RHBDF2: variants seen among roughly 807,000 people sequenced by gnomAD.
RHBDF2 encodes rhomboid 5 homolog 2.
Under a neutral mutation model 95.2 loss-of-function variants are expected in RHBDF2, and 38 were observed. The ratio of observed to expected loss-of-function variants is 0.40; its 90% confidence interval spans 0.31 to 0.52. The LOEUF (loss-of-function observed/expected upper bound fraction) is 0.52. Ranked by LOEUF, RHBDF2 falls within the 20% of genes least tolerant of loss-of-function variation. RHBDF2 has a pLI of 0.56. For missense variants in RHBDF2, 863 were observed against 1,137.7 expected, an observed-to-expected ratio of 0.76 and a Z score of 3.47; for synonymous variants, 442 against 462.0, an observed-to-expected ratio of 0.96 and a Z score of 0.55.
chr17:76,498,791 T>A (rs113701600), intron 1 of RHBDF2, among the ~76,000 whole-genome samples: 7 of 66,060 alleles, frequency 1.1e-4, no homozygotes, highest in South Asian at 9.4e-4. Context: ...AGAAAGAGAG[T>A]GTGTGTGTGT....
At position 76,478,969 on chromosome 17, in the gene RHBDF2, G is replaced by A. The variant is rs772639105; in HGVS notation, c.509C>T (p.Pro170Leu). ...PLARGRAFRH[P>L]EEMDRPHAPH... ...GGCGTGGGGCCTGTCCATCTCCTCC[G>A]GGTGGCGGAAGGCCCGGCCCCGGGC... The change falls in exon 6 of 19, where the codon CCG becomes CTG. Residue 170 changes from proline to leucine, a missense_variant. By Grantham distance (98) the Pro-to-Leu change is moderately conservative. Around this residue, in one of 2 missense-constraint regions of RHBDF2, gnomAD observed 611 missense variants for 725.5 expected, o/e 0.84. Transcript: ENST00000675367. 8.2e-6 allele frequency: 13 copies of A among 1,594,588 alleles called. No homozygotes were observed. The East Asian group carries it at 1.8e-4, about 22-fold the overall frequency.
At chr17:76,472,402 T>C (rs972316707) in intron 18 of RHBDF2, 2 of 562,126 alleles carry the variant, frequency 3.6e-6, no homozygotes, top group Non-Finnish European at 6.4e-6. Context: ...CGGAGGCCAT[T>C]TCCTACCGCT....
intron 1 of RHBDF2, among the ~76,000 whole-genome samples, chr17:76,494,589 T>TAAAA (rs2074388879): frequency 6.6e-6 from 1 of 152,138 alleles, no homozygotes; most frequent in Admixed American, 6.5e-5. Context: ...CCATCTCTAC[T>TAAAA]AAAAATACAA....
At chr17:76,481,220 G>A (rs2073952942) in intron 3 of RHBDF2, among the ~76,000 whole-genome samples, 155 bp downstream of exon 3, 1 of 152,212 alleles carries the variant, frequency 6.6e-6, no homozygotes, top group South Asian at 2.1e-4. Context: ...TTCGGGCCCA[G>A]GAAGGAGGGG....
chr17:76,484,728 C>G lies in RHBDF2; in HGVS notation c.-22+2984G>C, dbSNP rs2074072298. Reference sequence around the variant, plus strand: ...TCTCACTGGGACTTCCAGGACCTCTCTTCGTCTCTTCCTGTGCCCTTGCTT... The same window carrying G: ...TCTCACTGGGACTTCCAGGACCTCTGTTCGTCTCTTCCTGTGCCCTTGCTT... On this transcript the variant is annotated intron_variant, in intron 2 of 18. Coordinates refer to ENST00000675367, the MANE Select transcript of RHBDF2 (RefSeq NM_001005498.4). Among the ~76,000 whole-genome samples, 3 of 152,322 alleles carry G rather than the reference C, an allele frequency of 2.0e-5. No individual in the cohort carries two copies. In the South Asian group the frequency reaches 6.2e-4, roughly 32 times the overall value.
At chr17:76,475,452 C>T (rs2073740558) in intron 9 of RHBDF2, among the ~76,000 whole-genome samples, 1 of 152,198 alleles carries the variant, frequency 6.6e-6, no homozygotes. Flanking sequence ...GTACTTTGCC[C>T]TTCCAGCCCC....
chr17:76,472,148 G>A (rs1459810652), intron 18 of RHBDF2, 96 bp from the exon 19 acceptor site: 1 of 1,254,470 alleles, frequency 8.0e-7, no homozygotes, highest in Non-Finnish European at 1.1e-6. Flanking sequence ...GCTCCTCCCT[G>A]GCAGGCATGG....
intron 9 of RHBDF2, 144 bp downstream of exon 9, chr17:76,476,686 C>T (rs1009425755): frequency 6.4e-6 from 8 of 1,257,278 alleles, no homozygotes; most frequent in Middle Eastern, 2.8e-4. Context: ...GGACAGGGTG[C>T]GCCTTCGAGC....
At chr17:76,476,621 G>T (rs1002131583) in intron 9 of RHBDF2, 37 of 643,098 alleles carry the variant, frequency 5.8e-5, no homozygotes, top group Non-Finnish European at 9.5e-5. Context: ...AGCATGGGGT[G>T]GAAGAGAGGC....
rs958584023 is a variant in RHBDF2 at position 76,472,691 on chromosome 17, C to T, written c.2059G>A (p.Ala687Thr). The T allele has an allele frequency of 6.2e-6, 10 of 1,613,922 alleles. No individual in the cohort carries two copies. The highest frequency in any genetic ancestry group is 1.1e-5 in the South Asian group (1 of 91,094). The change falls in exon 18 of 19, where the codon GCA becomes ACA. Residue 687 changes from alanine (A) to threonine (T), a missense_variant. Coordinates refer to ENST00000675367, the MANE Select transcript of RHBDF2 (RefSeq NM_001005498.4). Reference protein sequence around the residue: ...LASAIFLPYRAEVGPAGSQFG... With the variant: ...LASAIFLPYRTEVGPAGSQFG... ...CCCATCCTCCACATCCTTACCTCTGCCCGGTATGGGAGAAAGATGGCACTG... is the reference window on the plus strand; with the variant it reads ...CCCATCCTCCACATCCTTACCTCTGTCCGGTATGGGAGAAAGATGGCACTG...
chr17:76,479,882 G>C (rs148949006), intron 3 of RHBDF2, 28 bp from the exon 4 acceptor site: 1 of 1,610,326 alleles, frequency 6.2e-7, no homozygotes, highest in Non-Finnish European at 8.5e-7. Context: ...GAGGGCAGGC[G>C]GTGGTGTGTG....
At chr17:76,486,228 G>C (rs1381072891) in intron 2 of RHBDF2, among the ~76,000 whole-genome samples, 1 of 152,150 alleles carries the variant, frequency 6.6e-6, no homozygotes, top group African/African-American at 2.4e-5. Context: ...TCCTGCCTCA[G>C]TCTCCCGAGT....
rs773845658 is a variant in RHBDF2 at position 76,474,373 on chromosome 17, C to T, written c.1464G>A (p.Ser488=). Reference sequence around the variant, plus strand: ...GGTAGGAGGGAGGGCCTGCCCCCACCGAGCAGTCCTTCCGCTGGGTCTGGA... The same window carrying T: ...GGTAGGAGGGAGGGCCTGCCCCCACTGAGCAGTCCTTCCGCTGGGTCTGGA... The part of the protein sequence containing the change: ...GCIQTQRKDC[S]ETLATFVKWQ... Residue 488 remains serine, a splice_region_variant and synonymous_variant, in exon 12 of 19, where the codon TCG becomes TCA. Coordinates refer to ENST00000675367, the MANE Select transcript of RHBDF2 (RefSeq NM_001005498.4). 1.6e-5 allele frequency: 25 copies of T among 1,612,048 alleles called. No individual in the cohort carries two copies. The highest frequency in any genetic ancestry group is 4.5e-5 in the East Asian group (2 of 44,864).
rs899957016 is a variant in RHBDF2, at chr17:76,475,268, T to C, written c.1116-127A>G. 4 of 641,960 alleles carry C rather than the reference T, an allele frequency of 6.2e-6. No homozygotes were observed. The South Asian group carries it at 7.5e-5, about 12-fold the overall frequency. 39.8% of individuals were successfully genotyped at this position (641,960 alleles called of 1,614,324 possible). On this transcript the variant is annotated intron_variant, in intron 9 of 18. Transcript: ENST00000675367. ...CCCTGTTCTGCCCCGTCAACTCATC[T>C]CAAACCAGAGGAACTTTTAAGACGA...
rs1167044584 is a variant in RHBDF2 at position 76,474,374 on chromosome 17, G to A, written c.1463C>T (p.Ser488Leu). The change falls in exon 12 of 19, where the codon TCG (serine) becomes TTG (leucine). Residue 488 changes from serine to leucine, a missense_variant and splice_region_variant. By Grantham distance (145) the Ser-to-Leu change is moderately radical. Coordinates refer to ENST00000675367, the MANE Select transcript of RHBDF2 (RefSeq NM_001005498.4). ...GCIQTQRKDCSETLATFVKWQ... is the reference protein window; with the variant it reads ...GCIQTQRKDCLETLATFVKWQ... ...GTAGGAGGGAGGGCCTGCCCCCACC[G>A]AGCAGTCCTTCCGCTGGGTCTGGAT... The A allele has an allele frequency of 5.6e-6, 9 of 1,612,304 alleles. No individual in the cohort carries two copies. Among genetic ancestry groups the A allele is most frequent in the Non-Finnish European group, 7.6e-6 (9 of 1,179,508 alleles).
rs149436907 is a variant in RHBDF2 at position 76,476,989 on chromosome 17, C to G, written c.956G>C (p.Arg319Pro). The change falls in exon 9 of 19, where the codon CGG (arginine) becomes CCG (proline). Residue 319 changes from arginine (R) to proline (P), a missense_variant. By Grantham distance (103) the Arg-to-Pro change is moderately radical. Coordinates refer to ENST00000675367, the MANE Select transcript of RHBDF2 (RefSeq NM_001005498.4). Reference sequence around the variant, plus strand: ...CTTGGAGGCGATGCGCTTGCCGCGCCGGGGCCCGGGGACTGGGGCTCGGCC... The same window carrying G: ...CTTGGAGGCGATGCGCTTGCCGCGCGGGGGCCCGGGGACTGGGGCTCGGCC... ...EYGRAPVPGP[R>P]RGKRIASKVK... is the part of the protein sequence containing the mutation. 6.2e-6 allele frequency: 10 copies of G among 1,613,758 alleles called. No homozygotes were observed. In the Middle Eastern group the frequency reaches 4.9e-4, roughly 80 times the overall value.
chr17:76,479,668 C>A, intron 4 of RHBDF2, 65 bp downstream of exon 4: 1 of 1,306,978 alleles, frequency 7.7e-7, no homozygotes, highest in Non-Finnish European at 1.1e-6. Context: ...CCAATCATGT[C>A]CAGGCCCCGA....
At position 76,498,797 on chromosome 17, in the gene RHBDF2, T is replaced by A. The variant is rs1275125599; in HGVS notation, c.-220+2556A>T. On this transcript the variant is annotated intron_variant, in intron 1 of 18. Transcript: ENST00000675367. The stretch of plus-strand genomic sequence containing the variant: ...GGGCTGGAGAGAAAGAGAGTGTGTG[T>A]GTGTGTGTGTGTGTGTGTGTGTGTG... Among the ~76,000 whole-genome samples the A allele has an allele frequency of 4.9e-5, 7 of 143,274 alleles. No homozygotes were observed. The South Asian group carries it at 6.5e-4, about 13-fold the overall frequency. The allele number at this position is 143,274 out of a possible 152,430, so 94.0% of individuals were successfully genotyped here.
chr17:76,481,328 T>C (rs763480883), intron 3 of RHBDF2, 47 bp downstream of exon 3: 3 of 1,573,374 alleles, frequency 1.9e-6, no homozygotes, highest in Non-Finnish European at 2.6e-6. Context: ...CGTGGGTACA[T>C]CTGTTACCTA....
Sources: gnomAD v4.1 joint callset for allele counts (sites outside exome capture counted in the v4.1 genomes callset) on GRCh38, gnomAD v4.1.1 for gene constraint, gnomAD v4.1.1 regional missense constraint, MANE v1.5 for transcripts, NCBI Gene and HGNC (gene_info 2026-07-23, HGNC 2026-07-21) for gene names.